Variants in MACROD1 observed in about 807,000 individuals in gnomAD.
MACROD1 encodes the protein mono-ADP ribosylhydrolase 1, also known as ADP-ribose glycohydrolase MACROD1.
In MACROD1, 31 loss-of-function variants were observed where a neutral mutation model predicts 41.4. The ratio of observed to expected loss-of-function variants is 0.75; its 90% CI spans 0.56 to 1.01. The LOEUF is 1.01. MACROD1 is among the 50% of genes least tolerant of loss of function. The pLI is 0.00. For synonymous variants in MACROD1, 252 were observed against 203.4 expected, an observed-to-expected ratio of 1.24 and a Z score of -2.03; for missense variants, 473 against 460.0, an observed-to-expected ratio of 1.03 and a Z score of -0.26.
chr11:64,049,408 C>T (rs1160951446), intron 3 of MACROD1, among the ~76,000 whole-genome samples: 2 of 152,182 alleles, frequency 1.3e-5, no homozygotes, highest in African/African-American at 4.8e-5. Context: ...GCCCCCTGAG[C>T]ACTTCCTGTG....
intron 3 of MACROD1, among the ~76,000 whole-genome samples, chr11:64,056,627 T>C (rs1056645057): frequency 1.3e-5 from 2 of 152,078 alleles, no homozygotes; most frequent in African/African-American, 4.8e-5. Context: ...CCAGGGCTGG[T>C]TGTGATGGAG....
At chr11:64,158,200 C>T (rs986802425) in intron 1 of MACROD1, among the ~76,000 whole-genome samples, 5 of 152,140 alleles carry the variant, frequency 3.3e-5, no homozygotes, top group African/African-American at 1.2e-4. Flanking sequence ...GCAGCCCCAC[C>T]TTGAGTCACC....
intron 6 of MACROD1, 41 bp from the exon 7 acceptor site, chr11:63,999,601 T>C: frequency 2.5e-6 from 4 of 1,609,496 alleles, no homozygotes; most frequent in Non-Finnish European, 3.4e-6. Context: ...ACATTGTCAC[T>C]GCGCCCCGCC....
chr11:64,062,028 C>G (rs1943915372), intron 3 of MACROD1, among the ~76,000 whole-genome samples: 1 of 149,240 alleles, frequency 6.7e-6, no homozygotes, highest in East Asian at 2.0e-4. Context: ...AAATCCTGTC[C>G]TGAGATTCTG....
intron 1 of MACROD1, among the ~76,000 whole-genome samples, chr11:64,158,042 G>A (rs1181635839): frequency 1.3e-5 from 2 of 152,220 alleles, no homozygotes; most frequent in African/African-American, 4.8e-5. Flanking sequence ...CAAAAGACAG[G>A]TGGGAGAAGC....
At chr11:64,147,413 T>G (rs1360709916) in intron 3 of MACROD1, among the ~76,000 whole-genome samples, 1 of 137,132 alleles carries the variant, frequency 7.3e-6, no homozygotes, top group Non-Finnish European at 1.6e-5. Flanking sequence ...TTTTTTGAGA[T>G]GGAGTCTCAC....
chr11:64,080,530 A>G (rs1370774866), intron 3 of MACROD1, among the ~76,000 whole-genome samples: 2 of 152,210 alleles, frequency 1.3e-5, no homozygotes, highest in African/African-American at 4.8e-5. Flanking sequence ...GGACAAAAAT[A>G]AGCACCTAAA....
At chr11:64,061,308 C>T (rs1943899345) in intron 3 of MACROD1, among the ~76,000 whole-genome samples, 4 of 152,340 alleles carry the variant, frequency 2.6e-5, no homozygotes, top group East Asian at 3.9e-4. Flanking sequence ...TTGCAGCCGT[C>T]TGCCCTTCCT....
chr11:64,126,035 G>C (rs980321043), intron 3 of MACROD1, among the ~76,000 whole-genome samples: 1 of 152,194 alleles, frequency 6.6e-6, no homozygotes, highest in African/African-American at 2.4e-5. Flanking sequence ...TTCTTGTGTG[G>C]AACGCAGGCT....
intron 1 of MACROD1, among the ~76,000 whole-genome samples, chr11:64,155,477 T>C (rs1245626854): frequency 3.3e-5 from 5 of 152,200 alleles, no homozygotes; most frequent in Non-Finnish European, 7.3e-5. Flanking sequence ...TTCCCATCTC[T>C]GGAATAGGGA....
chr11:64,141,959 GTCC>G (rs1945419914), intron 3 of MACROD1, among the ~76,000 whole-genome samples: 1 of 152,176 alleles, frequency 6.6e-6, no homozygotes, highest in East Asian at 1.9e-4. Context: ...ATCCTCCCCT[GTCC>G]TCCTCTACAG....
At chr11:64,071,265 G>A (rs1224280953) in intron 3 of MACROD1, among the ~76,000 whole-genome samples, 1 of 152,066 alleles carries the variant, frequency 6.6e-6, no homozygotes, top group East Asian at 1.9e-4. Context: ...AACCCACAGG[G>A]TTCCCACCCA....
At chr11:64,141,179 C>T (rs529038482) in intron 3 of MACROD1, among the ~76,000 whole-genome samples, 11 of 152,184 alleles carry the variant, frequency 7.2e-5, no homozygotes, top group African/African-American at 2.2e-4. Context: ...TGGGGCTATT[C>T]GTGGTGGGGG....
At chr11:64,052,901 C>T (rs1943719856) in intron 3 of MACROD1, among the ~76,000 whole-genome samples, 1 of 152,234 alleles carries the variant, frequency 6.6e-6, no homozygotes, top group African/African-American at 2.4e-5. Flanking sequence ...CCCAGCTACC[C>T]TCCAGATAGG....
At chr11:64,139,089 G>A (rs140216699) in intron 3 of MACROD1, among the ~76,000 whole-genome samples, 2,342 of 152,232 alleles carry the variant, frequency 0.015, 33 homozygotes, top group South Asian at 0.09. Context: ...TTAATGAACC[G>A]AAGGGAATGC....
At chr11:64,143,044 G>C (rs1254030204) in intron 3 of MACROD1, among the ~76,000 whole-genome samples, 1 of 150,900 alleles carries the variant, frequency 6.6e-6, no homozygotes, top group Non-Finnish European at 1.5e-5. Context: ...ACCCCAGGAG[G>C]TGGAGGCTGC....
Position 64,053,899 on chromosome 11 carries a change from C to T in MACROD1, c.518-38618G>A, listed in dbSNP as rs7114885. On this transcript the variant is annotated intron_variant, in intron 3 of 10. Transcript: ENST00000255681. ...GCAAGGCCGCATACCCGGTTGCTTC[C>T]GTCATCCCCCCCACCACCTCTGCTG... 6.7e-3 allele frequency among the ~76,000 whole-genome samples: 1,013 copies of T among 152,234 alleles called. 15 individuals are homozygous for T. The highest frequency in any genetic ancestry group is 0.022 in the African/African-American group (908 of 41,552).
chr11:64,116,140 T>A, intron 3 of MACROD1: 1 of 1,385,056 alleles, frequency 7.2e-7, no homozygotes, highest in Non-Finnish European at 9.6e-7. Context: ...GGCTGGCAGG[T>A]GGGAGGGAAT....
intron 3 of MACROD1, among the ~76,000 whole-genome samples, chr11:64,035,407 GA>G (rs1943354206): frequency 6.6e-6 from 1 of 152,158 alleles, no homozygotes; most frequent in South Asian, 2.1e-4. Context: ...ATGAATGAAT[GA>G]ATGAATGGAT....
Sources: allele counts gnomAD v4.1 joint callset (sites outside exome capture counted in the v4.1 genomes callset), GRCh38; gene constraint gnomAD v4.1.1; transcripts MANE v1.5; gene names NCBI Gene and HGNC (gene_info 2026-07-23, HGNC 2026-07-21).